Variants in HEATR4 observed in about 807,000 individuals in gnomAD.
HEATR4 encodes HEAT repeat-containing protein 4.
In HEATR4, 95 loss-of-function variants were observed where a neutral mutation model predicts 108.8. That is an observed-to-expected ratio of 0.87 (90% confidence interval 0.74 to 1.04). The LOEUF is 1.04. Among genes scored for constraint, HEATR4 ranks in the 50% least tolerant of loss-of-function variants. The probability of loss-of-function intolerance (pLI) is 0.00; values close to 1 mark genes in which losing one functional copy is unlikely to be tolerated. For missense variants in HEATR4, 1,152 were observed against 1,253.8 expected, an observed-to-expected ratio of 0.92 and a Z score of 1.23; for synonymous variants, 443 against 459.4, an observed-to-expected ratio of 0.96 and a Z score of 0.46.
At chr14:73,604,839 A>G in the HEATR4 span, among the ~76,000 whole-genome samples, 1 of 152,182 alleles carries the variant, frequency 6.6e-6, no homozygotes, top group Non-Finnish European at 1.5e-5. Flanking sequence ...TTCAAGAAAC[A>G]GGGGCAAGGA....
the HEATR4 span, among the ~76,000 whole-genome samples, chr14:73,628,184 T>A: frequency 6.6e-6 from 1 of 152,174 alleles, no homozygotes; most frequent in African/African-American, 2.4e-5. Flanking sequence ...CTGCCAGCCA[T>A]TAATCAACTC....
Position 73,495,240 on chromosome 14 carries a change from C to T in HEATR4, c.2773G>A (p.Glu925Lys). The change falls in exon 16 of 18, where the codon GAA becomes AAA. Residue 925 changes from glutamate to lysine, a missense_variant. By Grantham distance (56) the Glu-to-Lys change is moderately conservative. Coordinates refer to ENST00000553558, the MANE Select transcript of HEATR4 (RefSeq NM_001220484.1). ...CTAGGAAACCTACCCTGAAAAGTTT[C>T]TTGGAGTAAAGTCTGGAGTGTTAGT... ...GPLTLQTLLQ[E>K]TFQDEMVLPR... 1 of 1,613,308 alleles carries T rather than the reference C, an allele frequency of 6.2e-7. No individual in the cohort carries two copies. The highest frequency in any genetic ancestry group is 8.5e-7 in the Non-Finnish European group (1 of 1,179,774).
At chr14:73,498,838 A>G (rs539622875) in intron 13 of HEATR4, among the ~76,000 whole-genome samples, 5 of 152,314 alleles carry the variant, frequency 3.3e-5, no homozygotes, top group Non-Finnish European at 7.3e-5. Flanking sequence ...GTTGGCAGGG[A>G]CTGTCTTGTC....
intron 11 of HEATR4, 66 bp from the exon 12 acceptor site, chr14:73,500,796 C>A: frequency 6.9e-7 from 1 of 1,446,880 alleles, no homozygotes; most frequent in South Asian, 1.2e-5. Flanking sequence ...CCAACCCCCA[C>A]TAATGCCCTC....
chr14:73,592,509 C>A, the HEATR4 span: 1 of 1,364,928 alleles, frequency 7.3e-7, no homozygotes, highest in Non-Finnish European at 9.6e-7. Context: ...GGTTTTGGAG[C>A]AAGATCAGAG....
At chr14:73,479,587 C>T (rs944488133) in intron 17 of HEATR4, among the ~76,000 whole-genome samples, 2 of 151,340 alleles carry the variant, frequency 1.3e-5, no homozygotes, top group Non-Finnish European at 2.9e-5. Context: ...TACAGGCATG[C>T]GCCACCACAC....
At position 73,522,839 on chromosome 14, in the gene HEATR4, GT is replaced by G. The variant is rs1434792637; in HGVS notation, c.313del (p.Thr105LeufsTer24). On this transcript the variant is annotated frameshift_variant, in exon 3 of 18. Coordinates refer to ENST00000553558, the MANE Select transcript of HEATR4 (RefSeq NM_001220484.1). LOFTEE classifies it high-confidence loss of function. Reference sequence around the variant, plus strand: ...AGGCCGGGCCTTCCTGATCTGGGGAGTATGGATGATGTCATTGGTATTGTAG... The same window carrying G: ...AGGCCGGGCCTTCCTGATCTGGGGAGATGGATGATGTCATTGGTATTGTAG... ...HLYNTNDIIHTPQIRKARPQK... is the reference protein window; with the variant it reads ...HLYNTNDIIHXPQIRKARPQK... 3 of 1,614,224 alleles carry G rather than the reference GT, an allele frequency of 1.9e-6. No homozygotes were observed. The African/African-American group carries it at 4.0e-5, about 22-fold the overall frequency.
chr14:73,592,007 C>G, the HEATR4 span: 82 of 1,429,616 alleles, frequency 5.7e-5, no homozygotes, highest in Admixed American at 1.3e-4. Context: ...GCTGCTGGAA[C>G]GAGCCGGTGC....
chr14:73,498,343 A>G lies in HEATR4; in HGVS notation c.2358T>C (p.Ala786=), dbSNP rs750688687. ...YWKIKAFAIR[A]LGQIGQVSPE... is the part of the protein sequence containing the mutation. ...GACTTACTTGCCCAATCTGTCCCAA[A>G]GCTGCAGAGATTAGAGGGCAGCATG... The change falls in exon 14 of 18, where the codon GCT becomes GCC. Residue 786 remains alanine (A), a splice_region_variant and synonymous_variant. Coordinates refer to ENST00000553558, the MANE Select transcript of HEATR4 (RefSeq NM_001220484.1). The G allele has an allele frequency of 4.4e-6, 7 of 1,592,584 alleles. No homozygotes were observed. The highest frequency in any genetic ancestry group is 6.0e-6 in the Non-Finnish European group (7 of 1,164,826).
chr14:73,569,092 A>T, the HEATR4 span: 3 of 939,182 alleles, frequency 3.2e-6, no homozygotes, highest in South Asian at 5.0e-5. Context: ...TCCAACATAA[A>T]GTGGAGGTTT....
At chr14:73,493,354 G>C (rs1197667063) in intron 16 of HEATR4, 1 of 483,500 alleles carries the variant, frequency 2.1e-6, no homozygotes, top group Non-Finnish European at 3.8e-6. Context: ...TGTTAAATTT[G>C]TATGAACCTT....
chr14:73,593,853 A>G, the HEATR4 span: 1 of 1,614,050 alleles, frequency 6.2e-7, no homozygotes, highest in East Asian at 2.2e-5. Context: ...TGGACAACAT[A>G]TCCCTGGAGT....
At chr14:73,605,275 A>G in the HEATR4 span, among the ~76,000 whole-genome samples, 4 of 152,164 alleles carry the variant, frequency 2.6e-5, no homozygotes, top group Non-Finnish European at 5.9e-5. Flanking sequence ...TAGCCATGCA[A>G]GATTGAAACT....
Position 73,522,767 on chromosome 14 carries a change from G to T in HEATR4, c.386C>A (p.Thr129Lys), listed in dbSNP as rs771665931. Residue 129 changes from threonine to lysine, a missense_variant, in exon 3 of 18, where the codon ACA becomes AAA. Transcript: ENST00000553558. ...FKFLGSSSPL[T>K]GDTSLAVKTE... ...CTTCACAGCCAGGGAGGTGTCTCCT[G>T]TTAAGGGACTTGAGGAACCCAGGAA... The T allele has an allele frequency of 1.1e-5, 17 of 1,614,092 alleles. No individual in the cohort carries two copies. In the East Asian group the frequency reaches 3.8e-4, roughly 36 times the overall value.
At chr14:73,613,743 A>G in the HEATR4 span, among the ~76,000 whole-genome samples, 1 of 152,196 alleles carries the variant, frequency 6.6e-6, no homozygotes, top group African/African-American at 2.4e-5. Flanking sequence ...AACCACCAGA[A>G]CAAAGAATTA....
the HEATR4 span, among the ~76,000 whole-genome samples, chr14:73,589,781 A>G: frequency 6.6e-6 from 1 of 152,126 alleles, no homozygotes; most frequent in Admixed American, 6.6e-5. Flanking sequence ...ACAGTTCTTA[A>G]AGGCAGCGTG....
the HEATR4 span, among the ~76,000 whole-genome samples, chr14:73,568,691 G>A: frequency 6.6e-6 from 1 of 151,988 alleles, no homozygotes; most frequent in Non-Finnish European, 1.5e-5. Flanking sequence ...AGGCTGAGGC[G>A]GGCGGATTAC....
the HEATR4 span, among the ~76,000 whole-genome samples, chr14:73,624,035 C>A: frequency 6.6e-6 from 1 of 152,030 alleles, no homozygotes; most frequent in Non-Finnish European, 1.5e-5. Flanking sequence ...GCCTGTAATC[C>A]CAACATTTTG....
At chr14:73,585,223 A>G in the HEATR4 span, among the ~76,000 whole-genome samples, 14 of 152,064 alleles carry the variant, frequency 9.2e-5, no homozygotes, top group Non-Finnish European at 1.9e-4. Context: ...CATCTGCCAT[A>G]GCCCCTGCCT....
Sources: allele counts gnomAD v4.1 joint callset (sites outside exome capture counted in the v4.1 genomes callset), GRCh38; gene constraint gnomAD v4.1.1; transcripts MANE v1.5; gene names NCBI Gene and HGNC (gene_info 2026-07-23, HGNC 2026-07-21).